The following COG6 variants were observed in gnomAD, a reference collection of about 807,000 sequenced individuals.
The protein encoded by COG6 is conserved oligomeric Golgi complex subunit 6.
COG6 carries 74 observed loss-of-function variants against 88.8 expected under a neutral mutation model. That is an observed-to-expected ratio of 0.83 (90% CI 0.69 to 1.01). The LOEUF (loss-of-function observed/expected upper bound fraction) is 1.01. Ranked by LOEUF, COG6 falls within the 50% of genes least tolerant of loss-of-function variation. The pLI is 0.00. For synonymous variants in COG6, 286 were observed against 278.7 expected (o/e 1.03, Z -0.26); for missense variants, 800 against 797.9 (o/e 1.00, Z -0.03).
intron 13 of COG6, among the ~76,000 whole-genome samples, chr13:39,712,559 G>T (rs1352479433): frequency 6.6e-6 from 1 of 152,192 alleles, no homozygotes; most frequent in Non-Finnish European, 1.5e-5. Flanking sequence ...CATTGTGAAA[G>T]ATAGAGCAGT....
intron 1 of COG6, chr13:39,656,239 T>C (rs1874486158): frequency 4.1e-6 from 2 of 483,044 alleles, no homozygotes; most frequent in Admixed American, 4.7e-5. Context: ...CAAGACTGGA[T>C]ATGAAACAGA....
intron 13 of COG6, among the ~76,000 whole-genome samples, chr13:39,713,942 T>C (rs934445020): frequency 6.6e-6 from 1 of 152,206 alleles, no homozygotes; most frequent in Admixed American, 6.5e-5. Context: ...AGAAGTGTGG[T>C]TCTTACCTTG....
At chr13:39,656,402 T>C (rs907977053) in intron 1 of COG6, 17 of 339,360 alleles carry the variant, frequency 5.0e-5, no homozygotes, top group South Asian at 1.6e-4. Context: ...GTGGCTGAAA[T>C]GAACTCATAT....
intron 18 of COG6, among the ~76,000 whole-genome samples, chr13:39,732,551 T>G (rs9576890): frequency 0.97 from 148,098 of 152,300 alleles, 72,177 homozygotes; most frequent in East Asian, 1. Flanking sequence ...ACATGACCCT[T>G]AGAGAATAGG....
At chr13:39,763,241 T>C (rs1248835975) in intron 18 of COG6, among the ~76,000 whole-genome samples, 2 of 145,434 alleles carry the variant, frequency 1.4e-5, no homozygotes, top group African/African-American at 4.9e-5. Flanking sequence ...ATTGTAAGCG[T>C]TATTTGTGTA....
intron 18 of COG6, among the ~76,000 whole-genome samples, chr13:39,748,829 C>T (rs966695736): frequency 4.6e-5 from 7 of 152,138 alleles, no homozygotes; most frequent in Admixed American, 2.0e-4. Context: ...TACTCCAACT[C>T]GTCAAGAGTT....
At chr13:39,743,949 C>G (rs1880193817) in intron 18 of COG6, among the ~76,000 whole-genome samples, 1 of 151,846 alleles carries the variant, frequency 6.6e-6, no homozygotes, top group South Asian at 2.1e-4. Context: ...CTGGTTTAAC[C>G]TATGCAAATC....
At chr13:39,790,483 A>G (rs1881906640) in exon 19 of COG6, 1 of 152,160 alleles carries the variant, frequency 6.6e-6, no homozygotes, top group African/African-American at 2.4e-5. Context: ...GTAGATTTAT[A>G]AACTAATTAA....
chr13:39,751,853 G>GA lies in COG6; in HGVS notation c.*761dup. The stretch of plus-strand genomic sequence containing the variant: ...CTTTCCAATGAGCTCTAAGCATGTA[G>GA]ATAGCCTGAGCTGTGTCTAAGCCTG... On this transcript the variant is annotated 3_prime_UTR_variant, in exon 19 of 19. Transcript: ENST00000455146. 7.8e-7 allele frequency: 1 copy of GA among 1,287,120 alleles called. No individual in the cohort carries two copies. The highest frequency in any genetic ancestry group is 1.2e-5 in the South Asian group (1 of 80,938). The allele number at this position is 1,287,120 out of a possible 1,614,324, so 79.7% of individuals were successfully genotyped here. A position where few individuals can be genotyped will look rare whatever the true frequency, so the allele number is the denominator to read the frequency against.
At position 39,719,645 on chromosome 13, in the gene COG6, A is replaced by G. The variant is rs1210788681; in HGVS notation, c.1417-15A>G. The G allele has an allele frequency of 1.9e-6, 3 of 1,607,200 alleles. No individual in the cohort carries two copies. The highest frequency in any genetic ancestry group is 1.7e-6 in the Non-Finnish European group (2 of 1,174,586). ...GATTGAGAAATAAAGAGTTCATTTT[A>G]TTTTTCATTTGTAGGTTTTATCATG... On this transcript the variant is annotated splice_polypyrimidine_tract_variant and intron_variant, in intron 14 of 18. Coordinates refer to ENST00000455146, the MANE Select transcript of COG6 (RefSeq NM_020751.3).
At chr13:39,684,748 C>T (rs914936461) in intron 8 of COG6, among the ~76,000 whole-genome samples, 1 of 152,104 alleles carries the variant, frequency 6.6e-6, no homozygotes, top group Non-Finnish European at 1.5e-5. Context: ...ACTATATGAA[C>T]TTAATAAGTA....
chr13:39,694,566 A>C, intron 11 of COG6, 68 bp from the exon 12 acceptor site: 1 of 933,734 alleles, frequency 1.1e-6, no homozygotes, highest in South Asian at 1.3e-5. Flanking sequence ...TATTCATACC[A>C]TATGTTATTA....
chr13:39,695,062 A>G (rs959104609), intron 12 of COG6, among the ~76,000 whole-genome samples: 3 of 151,460 alleles, frequency 2.0e-5, no homozygotes, highest in Non-Finnish European at 3.0e-5. Flanking sequence ...AAGACATCCA[A>G]GGCAACTAAA....
intron 13 of COG6, among the ~76,000 whole-genome samples, chr13:39,711,859 T>C (rs1050348829): frequency 1.3e-5 from 2 of 152,172 alleles, no homozygotes; most frequent in African/African-American, 4.8e-5. Context: ...CATACAGTTT[T>C]GTCTTTGTTT....
intron 18 of COG6, among the ~76,000 whole-genome samples, chr13:39,787,644 A>AAC (rs976893215): frequency 2.3e-4 from 35 of 152,190 alleles, no homozygotes; most frequent in Admixed American, 1.8e-3. Flanking sequence ...ATACACATAC[A>AAC]ACACACACAC....
chr13:39,729,668 G>A (rs193087995), intron 18 of COG6, among the ~76,000 whole-genome samples: 2 of 152,158 alleles, frequency 1.3e-5, no homozygotes, highest in East Asian at 3.9e-4. Flanking sequence ...CTGAAACAAC[G>A]AGAACTTCTG....
At chr13:39,771,162 A>C (rs1881309295) in intron 18 of COG6, among the ~76,000 whole-genome samples, 1 of 152,108 alleles carries the variant, frequency 6.6e-6, no homozygotes. Flanking sequence ...GGGTCATTCC[A>C]TACAAGGTTG....
intron 13 of COG6, among the ~76,000 whole-genome samples, chr13:39,710,746 A>G (rs530379746): frequency 6.6e-6 from 1 of 152,172 alleles, no homozygotes; most frequent in African/African-American, 2.4e-5. Flanking sequence ...AGTGATAACT[A>G]TTGTTCCTAC....
intron 4 of COG6, among the ~76,000 whole-genome samples, chr13:39,668,644 C>A (rs902585445): frequency 6.6e-6 from 1 of 151,812 alleles, no homozygotes; most frequent in African/African-American, 2.4e-5. Context: ...AAAAATTAGC[C>A]GGGCGTGGTG....
Sources: gnomAD v4.1 joint callset for allele counts (sites outside exome capture counted in the v4.1 genomes callset) on GRCh38, gnomAD v4.1.1 for gene constraint, MANE v1.5 for transcripts, NCBI Gene and HGNC (gene_info 2026-07-23, HGNC 2026-07-21) for gene names.